DENND1B: variants seen among roughly 807,000 people sequenced by gnomAD.
The protein encoded by DENND1B is DENN domain-containing protein 1B.
DENND1B carries 59 observed loss-of-function variants against 90.1 expected under a neutral mutation model. The observed-to-expected ratio is 0.65, with a 90% CI of 0.53 to 0.81. DENND1B has a LOEUF of 0.81. Ranked by LOEUF, DENND1B falls within the 40% of genes least tolerant of loss-of-function variation. The pLI, the probability that DENND1B is intolerant of heterozygous loss-of-function variation, is 0.00. For synonymous variants in DENND1B, 337 were observed against 324.6 expected (o/e 1.04, Z -0.41); for missense variants, 862 against 912.6 (o/e 0.94, Z 0.71).
chr1:197,684,843 G>A (rs1174824561), intron 3 of DENND1B, among the ~76,000 whole-genome samples: 2 of 152,116 alleles, frequency 1.3e-5, no homozygotes, highest in Admixed American at 6.6e-5. Flanking sequence ...TCTGGACCAG[G>A]CACAGTGGCT....
At position 197,553,495 on chromosome 1, in the gene DENND1B, GCT is replaced by G. The variant is rs1671430104; in HGVS notation, c.1150-385_1150-384del. Among the ~76,000 whole-genome samples, 9 of 152,200 alleles carry G rather than the reference GCT, an allele frequency of 5.9e-5. No individual in the cohort carries two copies. The South Asian group carries it at 1.9e-3, about 32-fold the overall frequency. ...CCTTGCCAAGCCATTTACCCATGGG[GCT>G]CTGTCTTCCCCAGCCAGGCCTGTTT... On this transcript the variant is annotated intron_variant, in intron 15 of 22. Coordinates refer to ENST00000620048, the MANE Select transcript of DENND1B (RefSeq NM_001195215.2).
At chr1:197,541,405 G>A (rs1179595178) in intron 18 of DENND1B, among the ~76,000 whole-genome samples, 1 of 152,124 alleles carries the variant, frequency 6.6e-6, no homozygotes, top group Admixed American at 6.5e-5. Context: ...AAAAAACTTT[G>A]GCAATTTTAC....
chr1:197,666,393 T>C (rs988757921), intron 5 of DENND1B, among the ~76,000 whole-genome samples: 2 of 152,216 alleles, frequency 1.3e-5, no homozygotes, highest in Non-Finnish European at 2.9e-5. Flanking sequence ...TAGAACTAAA[T>C]ACCAAAACAT....
At chr1:197,639,069 A>T (rs924654366) in intron 10 of DENND1B, among the ~76,000 whole-genome samples, 2 of 145,208 alleles carry the variant, frequency 1.4e-5, no homozygotes, top group Non-Finnish European at 3.0e-5. Context: ...TTAAAGGTTA[A>T]TTTTTTTTTT....
intron 18 of DENND1B, among the ~76,000 whole-genome samples, chr1:197,543,777 T>C (rs1000345226): frequency 1.3e-5 from 2 of 152,154 alleles, no homozygotes; most frequent in Non-Finnish European, 2.9e-5. Flanking sequence ...ACTCTATAGA[T>C]TAGCTTCCCT....
Position 197,520,403 on chromosome 1 carries a change from T to C in DENND1B, c.1516-7450A>G, listed in dbSNP as rs976385168. 3.9e-5 allele frequency among the ~76,000 whole-genome samples: 6 copies of C among 152,122 alleles called. No homozygotes were observed. In the East Asian group the frequency reaches 5.8e-4, roughly 15 times the overall value. On this transcript the variant is annotated intron_variant, in intron 20 of 22. Transcript: ENST00000620048. ...ACATAATTGATAAACTTTTTGATCA[T>C]AGATGAAAATCTTACATTAAATGAC...
chr1:197,684,741 T>G (rs1438648005), intron 3 of DENND1B, among the ~76,000 whole-genome samples: 3 of 152,188 alleles, frequency 2.0e-5, no homozygotes, highest in Non-Finnish European at 2.9e-5. Flanking sequence ...TTTAACTCTT[T>G]TCAAGTAATA....
At chr1:197,552,020 T>A (rs879482122) in intron 16 of DENND1B, among the ~76,000 whole-genome samples, 3 of 152,238 alleles carry the variant, frequency 2.0e-5, no homozygotes, top group Admixed American at 2.0e-4. Flanking sequence ...AATGAACCAA[T>A]TATCTCAATG....
At chr1:197,649,900 G>A (rs924005380) in intron 7 of DENND1B, among the ~76,000 whole-genome samples, 1 of 152,018 alleles carries the variant, frequency 6.6e-6, no homozygotes, top group Non-Finnish European at 1.5e-5. Flanking sequence ...GCTTTTGCAG[G>A]GCAAAAGGTA....
Position 197,512,941 on chromosome 1 carries a change from T to C in DENND1B, c.1528A>G (p.Arg510Gly). Residue 510 changes from arginine (R) to glycine (G), a missense_variant, in exon 21 of 23, where the codon AGG (arginine) becomes GGG (glycine). Physicochemically the swap from Arg to Gly is moderately radical, Grantham distance 125. Coordinates refer to ENST00000620048, the MANE Select transcript of DENND1B (RefSeq NM_001195215.2). ...GCACCATCAAGGCTCTTAAGAGGCC[T>C]TTTTAAGCGTGCCTGGAGAGAGAGA... ...KRKLAQARLK[R>G]PLKSLDGALY... 1 of 1,608,276 alleles carries C rather than the reference T, an allele frequency of 6.2e-7. No individual in the cohort carries two copies.
chr1:197,596,811 T>A (rs1675741568), intron 13 of DENND1B, among the ~76,000 whole-genome samples: 2 of 151,952 alleles, frequency 1.3e-5, no homozygotes, highest in African/African-American at 4.8e-5. Context: ...TGAATAATGC[T>A]AATGAGAAAT....
At chr1:197,660,439 A>C (rs922484989) in intron 5 of DENND1B, among the ~76,000 whole-genome samples, 8 of 152,102 alleles carry the variant, frequency 5.3e-5, no homozygotes, top group Non-Finnish European at 1.0e-4. Context: ...TAGTCATTCC[A>C]TAAAGAAAAA....
In DENND1B at chr1:197,647,126, T is replaced by A. The variant is rs761122073; in HGVS notation, c.448-12A>T. On this transcript the variant is annotated splice_polypyrimidine_tract_variant and intron_variant, in intron 7 of 22. Coordinates refer to ENST00000620048, the MANE Select transcript of DENND1B (RefSeq NM_001195215.2). ...AATATCTCTTGGTTCTTATAATACA[T>A]GAGAGAAAAAAATGAATATTTTACT... The A allele has an allele frequency of 3.5e-6, 5 of 1,425,796 alleles. No individual in the cohort carries two copies. The highest frequency in any genetic ancestry group is 4.6e-6 in the Non-Finnish European group (5 of 1,094,290). 88.3% of individuals were successfully genotyped at this position (1,425,796 alleles called of 1,614,324 possible).
At chr1:197,724,222 T>G (rs1033853460) in intron 2 of DENND1B, among the ~76,000 whole-genome samples, 1 of 152,112 alleles carries the variant, frequency 6.6e-6, no homozygotes, top group Non-Finnish European at 1.5e-5. Context: ...TAAAAACATG[T>G]GTAAGCTACA....
At chr1:197,761,029 A>G (rs1244318967) in intron 2 of DENND1B, among the ~76,000 whole-genome samples, 1 of 152,218 alleles carries the variant, frequency 6.6e-6, no homozygotes. Flanking sequence ...AAACCTGTAC[A>G]CAGTGAAAGA....
intron 15 of DENND1B, among the ~76,000 whole-genome samples, chr1:197,556,978 C>G (rs1057126426): frequency 2.0e-5 from 3 of 151,622 alleles, no homozygotes; most frequent in African/African-American, 7.2e-5. Context: ...GACGGAAGTA[C>G]ACTTTAACAA....
chr1:197,691,509 G>A (rs1038787626), intron 3 of DENND1B, among the ~76,000 whole-genome samples: 1 of 151,946 alleles, frequency 6.6e-6, no homozygotes, highest in Non-Finnish European at 1.5e-5. Flanking sequence ...CTTGTATACT[G>A]TTGGTGGGAA....
At chr1:197,716,931 T>C (rs945336520) in intron 2 of DENND1B, among the ~76,000 whole-genome samples, 9 of 152,000 alleles carry the variant, frequency 5.9e-5, no homozygotes, top group Non-Finnish European at 1.3e-4. Flanking sequence ...TGCCTGACTT[T>C]TCCTCACTAC....
intron 15 of DENND1B, among the ~76,000 whole-genome samples, chr1:197,575,083 A>G (rs547265017): frequency 1.1e-4 from 16 of 152,332 alleles, no homozygotes; most frequent in Admixed American, 9.1e-4. Context: ...GCCAAAATAG[A>G]CAAATGGGAT....
Sources: gnomAD v4.1 joint callset for allele counts (sites outside exome capture counted in the v4.1 genomes callset) on GRCh38, gnomAD v4.1.1 for gene constraint, MANE v1.5 for transcripts, NCBI Gene and HGNC (gene_info 2026-07-23, HGNC 2026-07-21) for gene names.